DNAH11: variants seen among roughly 807,000 people sequenced by gnomAD.
DNAH11 encodes axonemal beta dynein heavy chain 11.
In DNAH11, 442 loss-of-function variants were observed where a neutral mutation model predicts 526.0. That is an observed-to-expected ratio of 0.84 (90% confidence interval 0.78 to 0.91). The LOEUF (loss-of-function observed/expected upper bound fraction) is 0.91. Ranked by LOEUF, DNAH11 falls within the 40% of genes least tolerant of loss-of-function variation. The probability of loss-of-function intolerance (pLI) is 0.00; values close to 1 mark genes in which losing one functional copy is unlikely to be tolerated. For missense variants in DNAH11, 6,989 were observed against 5,448.7 expected (o/e 1.28, Z -8.90); for synonymous variants, 2,461 against 1,935.9 (o/e 1.27, Z -7.12).
intron 62 of DNAH11, among the ~76,000 whole-genome samples, chr7:21,805,590 A>G (rs561325790): frequency 2.0e-5 from 3 of 152,272 alleles, no homozygotes; most frequent in African/African-American, 7.2e-5. Flanking sequence ...AGAGTTCTCC[A>G]TTTGTGAGGT....
chr7:21,668,395 C>A (rs763350852), intron 30 of DNAH11, among the ~76,000 whole-genome samples: 1 of 152,178 alleles, frequency 6.6e-6, no homozygotes, highest in Admixed American at 6.5e-5. Flanking sequence ...GATTTGCACT[C>A]CCTAAATCCA....
In DNAH11 at chr7:21,620,015, T is replaced by C; in HGVS notation, c.4437T>C (p.Tyr1479=). 1 of 1,610,218 alleles carries C rather than the reference T, an allele frequency of 6.2e-7. No individual in the cohort carries two copies. The highest frequency in any genetic ancestry group is 8.5e-7 in the Non-Finnish European group (1 of 1,178,668). Residue 1479 remains tyrosine, a synonymous_variant, in exon 25 of 82, where the codon TAT becomes TAC. Transcript: ENST00000409508. ...TGAAGTTTTCTTACGAAGTTCACTA[T>C]CGAACAGGCATTCCATTACTAAAGT... is the stretch of plus-strand genomic sequence containing the variant. ...ATMKFSYEVH[Y]RTGIPLLKSD...
At position 21,769,828 on chromosome 7, in the gene DNAH11, C is replaced by A. The variant is rs1787346502; in HGVS notation, c.9103-3938C>A. Among the ~76,000 whole-genome samples the A allele has an allele frequency of 4.6e-5, 7 of 152,122 alleles. No individual in the cohort carries two copies. The South Asian group carries it at 1.4e-3, about 31-fold the overall frequency. On this transcript the variant is annotated intron_variant, in intron 55 of 81. Coordinates refer to ENST00000409508, the MANE Select transcript of DNAH11 (RefSeq NM_001277115.2). ...ACTCCTCCTGAGTCTTCAGTTGCTTCTTTGTTTCAACTTTCTGGCAGAGAA... is the reference window on the plus strand; with the variant it reads ...ACTCCTCCTGAGTCTTCAGTTGCTTATTTGTTTCAACTTTCTGGCAGAGAA...
intron 28 of DNAH11, among the ~76,000 whole-genome samples, chr7:21,651,425 C>G (rs1276748978): frequency 6.6e-6 from 1 of 151,930 alleles, no homozygotes; most frequent in African/African-American, 2.4e-5. Flanking sequence ...TGCAGTGGCG[C>G]GATCTCAGCT....
chr7:21,871,633 G>A (rs1167540760), intron 73 of DNAH11, among the ~76,000 whole-genome samples: 1 of 152,130 alleles, frequency 6.6e-6, no homozygotes, highest in Non-Finnish European at 1.5e-5. Context: ...TTTATGATTG[G>A]CACAATTAGG....
chr7:21,738,655 A>G (rs1163145565), intron 46 of DNAH11, 46 bp from the exon 47 acceptor site: 3 of 1,498,960 alleles, frequency 2.0e-6, no homozygotes, highest in East Asian at 2.5e-5. Flanking sequence ...CTAAATGAAC[A>G]TTTACATTCT....
chr7:21,807,786 A>G, intron 62 of DNAH11, 97 bp from the exon 63 acceptor site: 1 of 1,164,716 alleles, frequency 8.6e-7, no homozygotes, highest in Non-Finnish European at 1.2e-6. Context: ...GACTGTGTGG[A>G]AGGACGTAAA....
intron 65 of DNAH11, among the ~76,000 whole-genome samples, chr7:21,835,955 C>A (rs1343975169): frequency 6.6e-6 from 1 of 150,988 alleles, no homozygotes; most frequent in African/African-American, 2.4e-5. Context: ...AGTAGTGTTT[C>A]TATACACCAA....
In DNAH11 at chr7:21,900,132, C is replaced by T; in HGVS notation, c.13303+12C>T. Reference sequence around the variant, plus strand: ...ACTCTTCATGGAGGGTAAGACACCCCAAGGGGTAAGTGGGGAACCTTTTCT... The same window carrying T: ...ACTCTTCATGGAGGGTAAGACACCCTAAGGGGTAAGTGGGGAACCTTTTCT... On this transcript the variant is annotated intron_variant, in intron 81 of 81. Transcript: ENST00000409508. 6.2e-7 allele frequency: 1 copy of T among 1,603,284 alleles called. No homozygotes were observed. The highest frequency in any genetic ancestry group is 1.7e-5 in the Admixed American group (1 of 58,606).
chr7:21,843,815 T>C (rs1782310357), intron 66 of DNAH11, among the ~76,000 whole-genome samples: 1 of 152,116 alleles, frequency 6.6e-6, no homozygotes, highest in South Asian at 2.1e-4. Flanking sequence ...AATTTGAGTA[T>C]TGAAATGGTG....
intron 55 of DNAH11, among the ~76,000 whole-genome samples, chr7:21,771,740 G>A (rs1048809301): frequency 2.0e-5 from 3 of 152,024 alleles, no homozygotes; most frequent in Non-Finnish European, 4.4e-5. Context: ...AAATCTAGCA[G>A]GAATGATATT....
intron 45 of DNAH11, among the ~76,000 whole-genome samples, chr7:21,733,720 A>G (rs2128488433): frequency 6.6e-6 from 1 of 152,350 alleles, no homozygotes. Flanking sequence ...AGAACCATAG[A>G]AAGTCAATAA....
intron 25 of DNAH11, among the ~76,000 whole-genome samples, chr7:21,630,866 C>T (rs370215114): frequency 2.0e-5 from 3 of 152,276 alleles, no homozygotes; most frequent in East Asian, 1.9e-4. Flanking sequence ...ATATCTCTCT[C>T]AGGCTTTCAA....
intron 3 of DNAH11, 132 bp downstream of exon 3, chr7:21,559,130 C>T (rs1397938536): frequency 1.3e-5 from 9 of 683,544 alleles, no homozygotes; most frequent in Non-Finnish European, 2.1e-5. Context: ...TCAAGACTAG[C>T]CTGGGCAGCA....
At chr7:21,549,517 A>G (rs1182806455) in intron 2 of DNAH11, among the ~76,000 whole-genome samples, 2 of 152,126 alleles carry the variant, frequency 1.3e-5, no homozygotes, top group Admixed American at 1.3e-4. Flanking sequence ...GTTTTTTATT[A>G]GTTTGAGAAC....
At chr7:21,813,891 A>G (rs17145558) in intron 63 of DNAH11, among the ~76,000 whole-genome samples, 1 of 152,192 alleles carries the variant, frequency 6.6e-6, no homozygotes, top group African/African-American at 2.4e-5. Flanking sequence ...AAATTCTGAA[A>G]AGACAAGTTA....
intron 31 of DNAH11, 24 bp downstream of exon 31, chr7:21,681,701 T>C (rs368913941): frequency 1.7e-5 from 27 of 1,613,454 alleles, no homozygotes; most frequent in Non-Finnish European, 2.1e-5. Context: ...AGAAATTTTA[T>C]GTATTCATTA....
intron 30 of DNAH11, among the ~76,000 whole-genome samples, chr7:21,676,599 T>C (rs1782901085): frequency 6.6e-6 from 1 of 152,226 alleles, no homozygotes; most frequent in Non-Finnish European, 1.5e-5. Flanking sequence ...TGACAAGCTG[T>C]GTTTTTAATC....
At chr7:21,608,785 A>G (rs1321019899) in intron 20 of DNAH11, among the ~76,000 whole-genome samples, 2 of 152,216 alleles carry the variant, frequency 1.3e-5, no homozygotes, top group African/African-American at 4.8e-5. Flanking sequence ...ATTGAATTGT[A>G]TCATGTTCAT....
Sources: gnomAD v4.1 joint callset for allele counts (sites outside exome capture counted in the v4.1 genomes callset) on GRCh38, gnomAD v4.1.1 for gene constraint, MANE v1.5 for transcripts, NCBI Gene and HGNC (gene_info 2026-07-23, HGNC 2026-07-21) for gene names.